The following RYR2 variants were observed in gnomAD, a reference collection of about 807,000 sequenced individuals.
RYR2 encodes ryanodine receptor 2.
In RYR2, 227 loss-of-function variants were observed where a neutral mutation model predicts 601.1. The observed-to-expected ratio is 0.38, with a 90% CI of 0.34 to 0.42. RYR2 has a LOEUF of 0.42. Among genes scored for constraint, RYR2 ranks in the 10% least tolerant of loss-of-function variants. RYR2 has a pLI of 1.00. For missense variants in RYR2, 4,646 were observed against 6,156.5 expected, an observed-to-expected ratio of 0.75 and a Z score of 8.21; for synonymous variants, 2,223 against 2,175.1, an observed-to-expected ratio of 1.02 and a Z score of -0.61.
intron 51 of RYR2, among the ~76,000 whole-genome samples, chr1:237,652,662 C>A (rs1000526599): frequency 6.6e-6 from 1 of 152,038 alleles, no homozygotes; most frequent in Non-Finnish European, 1.5e-5. Flanking sequence ...GATAAAAATT[C>A]TATTTTTATG....
intron 1 of RYR2, among the ~76,000 whole-genome samples, chr1:237,255,691 A>G (rs1687889590): frequency 6.6e-6 from 1 of 152,188 alleles, no homozygotes; most frequent in Non-Finnish European, 1.5e-5. Flanking sequence ...CTATCACGAT[A>G]CTGAAATGGA....
At chr1:237,486,715 G>A (rs1340745202) in intron 17 of RYR2, among the ~76,000 whole-genome samples, 6 of 151,924 alleles carry the variant, frequency 3.9e-5, no homozygotes, top group African/African-American at 9.7e-5. Context: ...TTTAAAATAC[G>A]TTTCTTACTA....
intron 87 of RYR2, among the ~76,000 whole-genome samples, chr1:237,775,507 T>C (rs141392359): frequency 0.011 from 1,658 of 152,306 alleles, 18 homozygotes; most frequent in Middle Eastern, 0.02. Context: ...TATCATTAGC[T>C]TCGTGCTGCT....
intron 2 of RYR2, among the ~76,000 whole-genome samples, chr1:237,281,435 T>A (rs7536817): frequency 2.6e-5 from 4 of 152,032 alleles, no homozygotes; most frequent in Admixed American, 6.5e-5. Context: ...AAAACACTGA[T>A]GTCTAAGAGA....
chr1:237,765,383 A>G (rs2149292277), intron 84 of RYR2, among the ~76,000 whole-genome samples: 1 of 152,152 alleles, frequency 6.6e-6, no homozygotes, highest in South Asian at 2.1e-4. Context: ...TTTGAAGTTG[A>G]TCCGATTTCT....
chr1:237,156,274 A>T (rs1675320372), intron 1 of RYR2, among the ~76,000 whole-genome samples: 2 of 152,270 alleles, frequency 1.3e-5, no homozygotes, highest in South Asian at 4.1e-4. Flanking sequence ...AAGGTACTAA[A>T]TGCCACCAAA....
At chr1:237,365,115 A>G (rs1700083303) in intron 5 of RYR2, among the ~76,000 whole-genome samples, 1 of 152,276 alleles carries the variant, frequency 6.6e-6, no homozygotes, top group Non-Finnish European at 1.5e-5. Flanking sequence ...CTCCTATAAC[A>G]TTTATGGGGT....
At chr1:237,304,309 G>GT (rs1380116076) in intron 2 of RYR2, among the ~76,000 whole-genome samples, 1 of 152,168 alleles carries the variant, frequency 6.6e-6, no homozygotes, top group East Asian at 1.9e-4. Context: ...AGTCCCTTCA[G>GT]CTTCTTTTGT....
rs1207389001 is a variant in RYR2, at chr1:237,456,696, T to G, written c.1573T>G (p.Ser525Ala). Residue 525 changes from serine to alanine, a missense_variant, in exon 16 of 105, where the codon TCT (serine) becomes GCT (alanine). By Grantham distance (99) the Ser-to-Ala change is moderately conservative. Coordinates refer to ENST00000366574, the MANE Select transcript of RYR2 (RefSeq NM_001035.3). ...ADVAGREAGE[S>A]WKSILNSLYE... ...TGTTGCTGGGCGAGAAGCAGGAGAG[T>G]CTTGGAAATCCATTCTGAATTCTCT... 7.4e-6 allele frequency: 12 copies of G among 1,612,928 alleles called. No homozygotes were observed. The highest frequency in any genetic ancestry group is 1.3e-5 in the African/African-American group (1 of 74,710).
chr1:237,788,453 C>A (rs1477589318), intron 92 of RYR2, among the ~76,000 whole-genome samples: 1 of 152,134 alleles, frequency 6.6e-6, no homozygotes, highest in African/African-American at 2.4e-5. Flanking sequence ...AGTCTAAGGA[C>A]CTGCAACAGA....
intron 1 of RYR2, among the ~76,000 whole-genome samples, chr1:237,054,590 A>G (rs988012939): frequency 1.3e-5 from 2 of 152,120 alleles, no homozygotes; most frequent in Non-Finnish European, 2.9e-5. Flanking sequence ...ATTCTTCTCA[A>G]GCAAATTCAT....
rs555468659 is a variant in RYR2, at chr1:237,494,427, C to T, written c.1961+1340C>T. 2.4e-4 allele frequency among the ~76,000 whole-genome samples: 37 copies of T among 152,250 alleles called. 1 individual carries two copies. Among genetic ancestry groups the T allele is most frequent in the African/African-American group, 5.8e-4 (24 of 41,550 alleles). ...TCAACCAGTCTAGTCTTTCTGCGTC[C>T]CTCTGTCTGCTTTTATTCTAGCTGT... On this transcript the variant is annotated intron_variant, in intron 19 of 104. Transcript: ENST00000366574.
At chr1:237,358,694 A>G (rs1017838976) in intron 4 of RYR2, among the ~76,000 whole-genome samples, 1 of 151,780 alleles carries the variant, frequency 6.6e-6, no homozygotes, top group Non-Finnish European at 1.5e-5. Context: ...GCTTGTTGGC[A>G]GTGTGGTCAC....
chr1:237,155,502 T>G (rs1311620482), intron 1 of RYR2, among the ~76,000 whole-genome samples: 3 of 152,150 alleles, frequency 2.0e-5, no homozygotes, highest in African/African-American at 4.8e-5. Flanking sequence ...GAAATTAGAT[T>G]CCATTTTGGA....
At chr1:237,053,233 A>G (rs1661505708) in intron 1 of RYR2, among the ~76,000 whole-genome samples, 1 of 152,132 alleles carries the variant, frequency 6.6e-6, no homozygotes, top group Non-Finnish European at 1.5e-5. Flanking sequence ...GCCAATGCCC[A>G]CAGCTGGGAG....
intron 1 of RYR2, 23 bp from the exon 2 acceptor site, chr1:237,270,474 C>T: frequency 6.4e-7 from 1 of 1,558,368 alleles, no homozygotes; most frequent in Non-Finnish European, 8.7e-7. Context: ...CTTATTTTTC[C>T]CTCTCTTTCT....
intron 27 of RYR2, among the ~76,000 whole-genome samples, chr1:237,555,716 T>C (rs1476694217): frequency 5.9e-5 from 9 of 152,160 alleles, no homozygotes; most frequent in South Asian, 2.1e-4. Context: ...CTAAGTCTGG[T>C]TGACTCAATT....
At position 237,756,311 on chromosome 1, in the gene RYR2, G is replaced by C. The variant is rs1692948108; in HGVS notation, c.11169G>C (p.Lys3723Asn). The C allele has an allele frequency of 2.5e-6, 4 of 1,613,354 alleles. No homozygotes were observed. In the African/African-American group the frequency reaches 5.3e-5, roughly 22 times the overall value. Residue 3723 changes from lysine to asparagine, a missense_variant, in exon 81 of 105, where the codon AAG (lysine) becomes AAC (asparagine). Lys to Asn is a moderately conservative substitution (Grantham distance 94). Around this residue, in one of 17 missense-constraint regions of RYR2, gnomAD observed 1,497 missense variants for 1,842.6 expected, o/e 0.81. Transcript: ENST00000366574. ...AGGAAAAAGAAATGGAAAAGCAAAA[G>C]CTTCTATACCAGCAAGCCCGACTCC... ...SFEEKEMEKQ[K>N]LLYQQARLHD...
chr1:237,160,262 A>T (rs1675857512), intron 1 of RYR2, among the ~76,000 whole-genome samples: 1 of 152,206 alleles, frequency 6.6e-6, no homozygotes, highest in Non-Finnish European at 1.5e-5. Context: ...GAATGATCTC[A>T]TTTGGAAACA....
Sources: allele counts gnomAD v4.1 joint callset (sites outside exome capture counted in the v4.1 genomes callset), GRCh38; gene constraint gnomAD v4.1.1; regional missense constraint gnomAD v4.1.1; transcripts MANE v1.5; gene names NCBI Gene and HGNC (gene_info 2026-07-23, HGNC 2026-07-21).